ANKH: variants seen among roughly 807,000 people sequenced by gnomAD.
ANKH encodes mineralization regulator ANKH.
In ANKH, 15 loss-of-function variants were observed where a neutral mutation model predicts 49.0. That is an observed-to-expected ratio of 0.31 (90% confidence interval 0.20 to 0.47). The LOEUF (loss-of-function observed/expected upper bound fraction) is 0.47. Among genes scored for constraint, ANKH ranks in the 20% least tolerant of loss-of-function variants. The pLI, the probability that ANKH is intolerant of heterozygous loss-of-function variation, is 1.00. For synonymous variants in ANKH, 273 were observed against 260.0 expected, an observed-to-expected ratio of 1.05 and a Z score of -0.48; for missense variants, 429 against 652.0, an observed-to-expected ratio of 0.66 and a Z score of 3.72.
At chr5:14,721,929 C>CAAAAAAAAAAAAAAAAAA (rs35821509) in intron 8 of ANKH, among the ~76,000 whole-genome samples, 1 of 59,466 alleles carries the variant, frequency 1.7e-5, no homozygotes, top group African/African-American at 9.5e-5. Flanking sequence ...GACTCCGTCT[C>CAAAAAAAAAAAAAAAAAA]AAAAAAAAAA....
chr5:14,835,794 C>G (rs945495330), intron 1 of ANKH, among the ~76,000 whole-genome samples: 1 of 152,034 alleles, frequency 6.6e-6, no homozygotes, highest in African/African-American at 2.4e-5. Context: ...GATACCAAAG[C>G]CTGGCAGAGA....
intron 1 of ANKH, among the ~76,000 whole-genome samples, chr5:14,862,496 AC>A (rs1467134044): frequency 6.6e-6 from 1 of 152,136 alleles, no homozygotes; most frequent in Non-Finnish European, 1.5e-5. Context: ...GATATGAATG[AC>A]CTATCTTGCA....
At position 14,770,882 on chromosome 5, in the gene ANKH, G is replaced by A. The variant is rs1363105866; in HGVS notation, c.97-1691C>T. Among the ~76,000 whole-genome samples, 1 of 152,202 alleles carries A rather than the reference G, an allele frequency of 6.6e-6. No individual in the cohort carries two copies. Among genetic ancestry groups the A allele is most frequent in the Non-Finnish European group, 1.5e-5 (1 of 68,040 alleles). ...AACATATTTTTAAGAAAAAAGATAT[G>A]CTAAAGTCTTGGCCCTGCCATTTGT... On this transcript the variant is annotated intron_variant, in intron 1 of 11. Transcript: ENST00000284268. The surrounding 1 kb of genome is among the most constrained non-coding windows in gnomAD (Gnocchi z 4.1).
intron 1 of ANKH, among the ~76,000 whole-genome samples, chr5:14,793,037 A>AATATATATATAT (rs1267380844): frequency 0.019 from 1,036 of 55,920 alleles, 12 homozygotes; most frequent in East Asian, 0.063. Flanking sequence ...TATATATAAA[A>AATATATATATAT]ATATATATAT....
At chr5:14,857,060 G>A (rs550820862) in intron 1 of ANKH, among the ~76,000 whole-genome samples, 5 of 152,160 alleles carry the variant, frequency 3.3e-5, no homozygotes, top group East Asian at 1.9e-4. Context: ...CCAAATATAC[G>A]GGGGAGTAAA....
At chr5:14,860,981 C>A (rs1178194443) in intron 1 of ANKH, among the ~76,000 whole-genome samples, 1 of 152,080 alleles carries the variant, frequency 6.6e-6, no homozygotes, top group Non-Finnish European at 1.5e-5. Flanking sequence ...TGGAGTTTCA[C>A]CATGTTGGTC....
At chr5:14,793,756 G>A (rs776409156) in intron 1 of ANKH, among the ~76,000 whole-genome samples, 8 of 152,188 alleles carry the variant, frequency 5.3e-5, no homozygotes, top group Non-Finnish European at 1.0e-4. Context: ...AGCCAGCTGT[G>A]TGGCCTTGCG....
intron 1 of ANKH, chr5:14,825,859 T>C (rs1009931592): frequency 6.6e-6 from 1 of 152,250 alleles, no homozygotes; most frequent in Admixed American, 6.5e-5. Context: ...CGCAAAAAAT[T>C]AAAACACAAG....
At chr5:14,716,957 G>T in intron 8 of ANKH, 122 bp from the exon 9 acceptor site, 1 of 1,291,200 alleles carries the variant, frequency 7.7e-7, no homozygotes, top group Non-Finnish European at 1.1e-6. Context: ...TGACTGGGTG[G>T]TGGGCATGCT....
At chr5:14,757,969 C>T (rs1238824073) in intron 3 of ANKH, among the ~76,000 whole-genome samples, 1 of 152,174 alleles carries the variant, frequency 6.6e-6, no homozygotes, top group Non-Finnish European at 1.5e-5. Context: ...CAGATATTTG[C>T]ACACTCACGT....
intron 1 of ANKH, among the ~76,000 whole-genome samples, chr5:14,836,979 T>C (rs1168435857): frequency 6.6e-6 from 1 of 152,118 alleles, no homozygotes; most frequent in African/African-American, 2.4e-5. Flanking sequence ...TCTACAACCA[T>C]CTGATCTTTG....
chr5:14,737,247 G>T lies in ANKH; in HGVS notation c.1011+4580C>A, dbSNP rs1466700763. ...ACATTTCTTCCCCACCAAAAGGACT[G>T]TTGGAAGATACAGCCCATGCCGGTG... On this transcript the variant is annotated intron_variant, in intron 8 of 11. Coordinates refer to ENST00000284268, the MANE Select transcript of ANKH (RefSeq NM_054027.6). This position sits in a 1 kb window ranked among gnomAD's most constrained non-coding sequence, Gnocchi z 5.0. Among the ~76,000 whole-genome samples, 2 of 152,222 alleles carry T rather than the reference G, an allele frequency of 1.3e-5. No homozygotes were observed. The highest frequency in any genetic ancestry group is 4.8e-5 in the African/African-American group (2 of 41,460).
intron 1 of ANKH, among the ~76,000 whole-genome samples, chr5:14,835,402 C>T (rs902692781): frequency 1.3e-5 from 2 of 152,122 alleles, no homozygotes; most frequent in African/African-American, 2.4e-5. Context: ...AAATGCTTCC[C>T]GAGTTCAGCA....
At chr5:14,856,148 G>A (rs1007061114) in intron 1 of ANKH, among the ~76,000 whole-genome samples, 5 of 151,708 alleles carry the variant, frequency 3.3e-5, no homozygotes, top group Non-Finnish European at 7.4e-5. Context: ...GGCAGAGCCC[G>A]ATCTCTACAA....
rs1011688545 is a variant in ANKH at position 14,770,588 on chromosome 5, C to T, written c.97-1397G>A. 6.6e-6 allele frequency among the ~76,000 whole-genome samples: 1 copy of T among 152,124 alleles called. No individual in the cohort carries two copies. Among genetic ancestry groups the T allele is most frequent in the East Asian group, 1.9e-4 (1 of 5,200 alleles). On this transcript the variant is annotated intron_variant, in intron 1 of 11. Transcript: ENST00000284268. This position sits in a 1 kb window ranked among gnomAD's most constrained non-coding sequence, Gnocchi z 4.1. ...CTTTCTCTCAAAATATCTTACTGTACTCCTTGTGATGAGGAAGAGATGAAG... is the reference window on the plus strand; with the variant it reads ...CTTTCTCTCAAAATATCTTACTGTATTCCTTGTGATGAGGAAGAGATGAAG...
rs550782380 is a variant in ANKH, at chr5:14,804,381, C to T, written c.97-35190G>A. ...GTCACTTGTGTCCCTCAGTTGACAA[C>T]TGAAAGTTCCAGGTATGCAGGCATC... On this transcript the variant is annotated intron_variant, in intron 1 of 11. Coordinates refer to ENST00000284268, the MANE Select transcript of ANKH (RefSeq NM_054027.6). 5.9e-5 allele frequency among the ~76,000 whole-genome samples: 9 copies of T among 152,334 alleles called. No homozygotes were observed. The East Asian group carries it at 1.7e-3, about 29-fold the overall frequency.
At chr5:14,827,626 T>C (rs1741381815) in intron 1 of ANKH, among the ~76,000 whole-genome samples, 1 of 152,208 alleles carries the variant, frequency 6.6e-6, no homozygotes, top group Non-Finnish European at 1.5e-5. Flanking sequence ...AGCAGATAAC[T>C]GGGTGTCTCA....
Position 14,858,093 on chromosome 5 carries a change from G to A in ANKH, c.96+13259C>T, listed in dbSNP as rs147890758. ...ATAAATGATGGAATAGCCATGTGAT[G>A]GAAGCTAGGAGCATTAATCATCACA... On this transcript the variant is annotated intron_variant, in intron 1 of 11. Coordinates refer to ENST00000284268, the MANE Select transcript of ANKH (RefSeq NM_054027.6). 1.8e-3 allele frequency among the ~76,000 whole-genome samples: 279 copies of A among 152,278 alleles called. 2 individuals are homozygous for A. Among genetic ancestry groups the A allele is most frequent in the Non-Finnish European group, 3.5e-3 (238 of 68,018 alleles).
intron 1 of ANKH, among the ~76,000 whole-genome samples, chr5:14,866,525 C>G (rs1272586814): frequency 1.3e-5 from 2 of 152,092 alleles, no homozygotes; most frequent in Non-Finnish European, 2.9e-5. Context: ...GACTCTGAAC[C>G]AAATTTAAAC....
Sources: allele counts gnomAD v4.1 joint callset (sites outside exome capture counted in the v4.1 genomes callset), GRCh38; gene constraint gnomAD v4.1.1; non-coding constraint Gnocchi (gnomAD v3.1); transcripts MANE v1.5; gene names NCBI Gene and HGNC (gene_info 2026-07-23, HGNC 2026-07-21).